The following DROSHA variants were observed in gnomAD, a reference collection of about 807,000 sequenced individuals.
The protein encoded by DROSHA is drosha ribonuclease III.
Under a neutral mutation model 181.9 loss-of-function variants are expected in DROSHA, and 56 were observed. The ratio of observed to expected loss-of-function variants is 0.31; its 90% CI spans 0.25 to 0.38. DROSHA has a LOEUF of 0.38. Ranked by LOEUF, DROSHA falls within the 10% of genes least tolerant of loss-of-function variation. The probability of loss-of-function intolerance (pLI) is 1.00; values close to 1 mark genes in which losing one functional copy is unlikely to be tolerated. For missense variants in DROSHA, 1,218 were observed against 1,743.5 expected, an observed-to-expected ratio of 0.70 and a Z score of 5.37; for synonymous variants, 524 against 591.2, an observed-to-expected ratio of 0.89 and a Z score of 1.65.
At chr5:31,502,207 G>A (rs1414480210) in intron 11 of DROSHA, among the ~76,000 whole-genome samples, 4 of 152,236 alleles carry the variant, frequency 2.6e-5, no homozygotes, top group Admixed American at 2.6e-4. Context: ...ACTGAGGACA[G>A]CCCATGTGAG....
At chr5:31,466,942 T>C (rs1392190239) in intron 18 of DROSHA, among the ~76,000 whole-genome samples, 1 of 152,228 alleles carries the variant, frequency 6.6e-6, no homozygotes, top group Non-Finnish European at 1.5e-5. Context: ...TGCAGTCCTT[T>C]ATCAATTCAC....
chr5:31,421,934 A>ATGTGTGTGTGTGTGTG (rs1218217911), intron 29 of DROSHA: 2 of 111,530 alleles, frequency 1.8e-5, no homozygotes, highest in African/African-American at 4.0e-5. Flanking sequence ...GTGTGTGTGT[A>ATGTGTGTGTGTGTGTG]TATAAATTAG....
At chr5:31,509,460 A>G (rs781292238) in intron 9 of DROSHA, among the ~76,000 whole-genome samples, 19 of 152,336 alleles carry the variant, frequency 1.2e-4, no homozygotes, top group Admixed American at 4.6e-4. Flanking sequence ...AATTTCAAAG[A>G]AGGAGCACAT....
chr5:31,468,049 G>A lies in DROSHA; in HGVS notation c.2256C>T (p.Val752=), dbSNP rs1015649840. Residue 752 remains valine (V), a synonymous_variant, in exon 18 of 36, where the codon GTC becomes GTT. Coordinates refer to ENST00000344624, the MANE Select transcript of DROSHA (RefSeq NM_001382508.1). ...VTNPGTKPSS[V]RIDQLDREQF... is the part of the protein sequence containing the mutation. ...GTTCACGATCCAGTTGATCGATACG[G>A]ACAGAGCTTGGTTTCTAGAGAGAAA... 1 of 1,610,726 alleles carries A rather than the reference G, an allele frequency of 6.2e-7. No homozygotes were observed. The highest frequency in any genetic ancestry group is 8.5e-7 in the Non-Finnish European group (1 of 1,178,402).
At chr5:31,431,002 T>A (rs1035951034) in intron 26 of DROSHA, among the ~76,000 whole-genome samples, 2 of 152,186 alleles carry the variant, frequency 1.3e-5, no homozygotes, top group Non-Finnish European at 2.9e-5. Flanking sequence ...CCTGTACCAA[T>A]GGCTAATTGT....
chr5:31,466,910 C>T lies in DROSHA; in HGVS notation c.2367-629G>A, dbSNP rs117091563. 1.1e-4 allele frequency among the ~76,000 whole-genome samples: 17 copies of T among 152,250 alleles called. No homozygotes were observed. The East Asian group carries it at 1.5e-3, about 14-fold the overall frequency. ...ACCAGTCTAAAGGATACTGTCAAAGCGTCCTGGAAATGAAGCGAATATGCA... is the reference window on the plus strand; with the variant it reads ...ACCAGTCTAAAGGATACTGTCAAAGTGTCCTGGAAATGAAGCGAATATGCA... On this transcript the variant is annotated intron_variant, in intron 18 of 35. Coordinates refer to ENST00000344624, the MANE Select transcript of DROSHA (RefSeq NM_001382508.1).
At chr5:31,489,322 C>G (rs1242730076) in intron 13 of DROSHA, among the ~76,000 whole-genome samples, 1 of 152,226 alleles carries the variant, frequency 6.6e-6, no homozygotes, top group Non-Finnish European at 1.5e-5. Context: ...ACAGTCCTTT[C>G]TCCATTTCAT....
At chr5:31,525,051 C>G (rs1273849506) in intron 5 of DROSHA, among the ~76,000 whole-genome samples, 1 of 151,800 alleles carries the variant, frequency 6.6e-6, no homozygotes, top group Admixed American at 6.6e-5. Flanking sequence ...AAAAATTAGG[C>G]CAGGCGCAGT....
intron 20 of DROSHA, among the ~76,000 whole-genome samples, chr5:31,460,774 C>T (rs1305678532): frequency 1.3e-5 from 2 of 152,048 alleles, no homozygotes; most frequent in African/African-American, 2.4e-5. Flanking sequence ...ATACTAAATG[C>T]TTTTATTTTG....
chr5:31,493,985 T>TGTGTGTGTGTGTG (rs1752689375), intron 12 of DROSHA, among the ~76,000 whole-genome samples: 3 of 83,614 alleles, frequency 3.6e-5, no homozygotes, highest in African/African-American at 1.2e-4. Flanking sequence ...GTGTGTGTGT[T>TGTGTGTGTGTGTG]TGAGATGAAG....
intron 13 of DROSHA, 51 bp downstream of exon 13, chr5:31,493,156 G>A: frequency 1.3e-6 from 2 of 1,529,956 alleles, no homozygotes; most frequent in Non-Finnish European, 1.8e-6. Flanking sequence ...GGAAAGAAGG[G>A]ATGAAGGAGG....
At chr5:31,431,460 C>A in intron 26 of DROSHA, 116 bp downstream of exon 26, 1 of 956,090 alleles carries the variant, frequency 1.0e-6, no homozygotes, top group Non-Finnish European at 1.6e-6. Flanking sequence ...TCCTAGGAAC[C>A]TCATGTGCTT....
chr5:31,495,496 G>T (rs1752878151), intron 11 of DROSHA, 124 bp from the exon 12 acceptor site: 2 of 868,166 alleles, frequency 2.3e-6, no homozygotes, highest in African/African-American at 1.7e-5. Flanking sequence ...TTCACAGACT[G>T]GTAGGAAAGA....
rs1739952302 is a variant in DROSHA, at chr5:31,401,110, T to G, written c.*322A>C. The G allele has an allele frequency of 3.3e-6, 1 of 307,074 alleles. No homozygotes were observed. Among genetic ancestry groups the G allele is most frequent in the Non-Finnish European group, 6.3e-6 (1 of 158,278 alleles). 19.0% of individuals were successfully genotyped at this position (307,074 alleles called of 1,614,324 possible). A position where few individuals can be genotyped will look rare whatever the true frequency, so the allele number is the denominator to read the frequency against. Reference sequence around the variant, plus strand: ...GTCAATTGAAAGTCTAGGGTCACAATCTGGGACACAGATGGAAAAACAGGA... The same window carrying G: ...GTCAATTGAAAGTCTAGGGTCACAAGCTGGGACACAGATGGAAAAACAGGA... On this transcript the variant is annotated 3_prime_UTR_variant, in exon 36 of 36. Coordinates refer to ENST00000344624, the MANE Select transcript of DROSHA (RefSeq NM_001382508.1).
chr5:31,532,042 T>C lies in DROSHA; in HGVS notation c.-302A>G, dbSNP rs944580905. 1 of 326,552 alleles carries C rather than the reference T, an allele frequency of 3.1e-6. No individual in the cohort carries two copies. Among genetic ancestry groups the C allele is most frequent in the South Asian group, 3.0e-5 (1 of 33,116 alleles). The allele number at this position is 326,552 out of a possible 1,614,324, so 20.2% of individuals were successfully genotyped here. On this transcript the variant is annotated 5_prime_UTR_variant, in exon 1 of 36. Coordinates refer to ENST00000344624, the MANE Select transcript of DROSHA (RefSeq NM_001382508.1). ...CGCCGTCAGAGCAAAGCCAGGCTACTACCGCAGGTACCAAGACAGTGGCAC... is the reference window on the plus strand; with the variant it reads ...CGCCGTCAGAGCAAAGCCAGGCTACCACCGCAGGTACCAAGACAGTGGCAC...
chr5:31,409,508 G>A lies in DROSHA; in HGVS notation c.3668-176C>T. Reference sequence around the variant, plus strand: ...CTTTTTATCATTAATATCAGAAGCAGCAAGAGATGTGTAAGATGCAAATCA... The same window carrying A: ...CTTTTTATCATTAATATCAGAAGCAACAAGAGATGTGTAAGATGCAAATCA... On this transcript the variant is annotated intron_variant, in intron 31 of 35. Transcript: ENST00000344624. The surrounding 1 kb of genome is among the most constrained non-coding windows in gnomAD (Gnocchi z 4.0). The A allele has an allele frequency of 1.7e-6, 1 of 602,442 alleles. No homozygotes were observed. Among genetic ancestry groups the A allele is most frequent in the Non-Finnish European group, 3.0e-6 (1 of 338,844 alleles). 37.3% of individuals were successfully genotyped at this position (602,442 alleles called of 1,614,324 possible). A position where few individuals can be genotyped will look rare whatever the true frequency, so the allele number is the denominator to read the frequency against.
At chr5:31,456,624 A>G (rs1364053074) in intron 20 of DROSHA, among the ~76,000 whole-genome samples, 1 of 152,204 alleles carries the variant, frequency 6.6e-6, no homozygotes, top group African/African-American at 2.4e-5. Flanking sequence ...TGAAGAGGAA[A>G]AAACAAAGCC....
At position 31,508,783 on chromosome 5, in the gene DROSHA, G is replaced by A. The variant is rs1277329082; in HGVS notation, c.1433-8C>T. The A allele has an allele frequency of 1.2e-6, 2 of 1,602,520 alleles. No homozygotes were observed. Among genetic ancestry groups the A allele is most frequent in the East Asian group, 2.2e-5 (1 of 44,710 alleles). ...CGGATTCACTGGAACTCTCTAACAG[G>A]GGTTGGGAGAAAAATACAGAAATTG... On this transcript the variant is annotated splice_polypyrimidine_tract_variant and splice_region_variant and intron_variant, in intron 9 of 35. Transcript: ENST00000344624.
At chr5:31,504,861 T>G (rs1006845182) in intron 10 of DROSHA, among the ~76,000 whole-genome samples, 1 of 152,190 alleles carries the variant, frequency 6.6e-6, no homozygotes, top group African/African-American at 2.4e-5. Flanking sequence ...CTGAGTTATT[T>G]GTGCAGCCAA....
Sources: gnomAD v4.1 joint callset for allele counts (sites outside exome capture counted in the v4.1 genomes callset) on GRCh38, gnomAD v4.1.1 for gene constraint, Gnocchi (gnomAD v3.1) non-coding constraint, MANE v1.5 for transcripts, NCBI Gene and HGNC (gene_info 2026-07-23, HGNC 2026-07-21) for gene names.